The following KLHL1 variants were observed in gnomAD, a reference collection of about 807,000 sequenced individuals.
KLHL1 encodes the protein kelch like family member 1, also known as kelch-like protein 1.
In KLHL1, 47 loss-of-function variants were observed where a neutral mutation model predicts 77.7. That is an observed-to-expected ratio of 0.60 (90% CI 0.48 to 0.77). The LOEUF (loss-of-function observed/expected upper bound fraction) is 0.77. Among genes scored for constraint, KLHL1 ranks in the 30% least tolerant of loss-of-function variants. The pLI is 0.00. For missense variants in KLHL1, 925 were observed against 910.8 expected, an observed-to-expected ratio of 1.02 and a Z score of -0.20; for synonymous variants, 360 against 325.2, an observed-to-expected ratio of 1.11 and a Z score of -1.15.
chr13:70,031,752 G>C (rs772504290), intron 1 of KLHL1, among the ~76,000 whole-genome samples: 2 of 152,182 alleles, frequency 1.3e-5, no homozygotes, highest in Non-Finnish European at 2.9e-5. Flanking sequence ...ATTTCCTCCA[G>C]TTGTTCTAGA....
chr13:70,030,240 G>T (rs1031285115), intron 1 of KLHL1, among the ~76,000 whole-genome samples: 1 of 151,990 alleles, frequency 6.6e-6, no homozygotes, highest in Non-Finnish European at 1.5e-5. Context: ...TGCACCAAGC[G>T]GACCTAATAG....
chr13:70,098,515 T>TA (rs954748054), intron 1 of KLHL1, among the ~76,000 whole-genome samples: 1 of 151,788 alleles, frequency 6.6e-6, no homozygotes, highest in Non-Finnish European at 1.5e-5. Context: ...TCTTTCAATT[T>TA]AAAAAAATAA....
At chr13:69,803,886 T>C (rs1164771288) in intron 6 of KLHL1, among the ~76,000 whole-genome samples, 1 of 152,176 alleles carries the variant, frequency 6.6e-6, no homozygotes, top group African/African-American at 2.4e-5. Context: ...CAAAATAAAT[T>C]TGGAAAAGTT....
At chr13:70,099,237 A>G (rs1887866818) in intron 1 of KLHL1, among the ~76,000 whole-genome samples, 1 of 151,932 alleles carries the variant, frequency 6.6e-6, no homozygotes, top group East Asian at 1.9e-4. Flanking sequence ...CTATATAAGT[A>G]AAAATTCACT....
At chr13:70,003,254 T>C (rs534282052) in intron 1 of KLHL1, among the ~76,000 whole-genome samples, 7 of 151,820 alleles carry the variant, frequency 4.6e-5, no homozygotes, top group Admixed American at 2.0e-4. Context: ...TGAAACATGA[T>C]GAAAACTTTG....
intron 6 of KLHL1, among the ~76,000 whole-genome samples, chr13:69,813,778 C>A (rs1650305375): frequency 6.6e-6 from 1 of 152,134 alleles, no homozygotes; most frequent in Non-Finnish European, 1.5e-5. Context: ...ACATTCCATG[C>A]TCATGGACTG....
chr13:69,841,329 C>CA (rs1029749179), intron 5 of KLHL1, among the ~76,000 whole-genome samples: 11 of 150,078 alleles, frequency 7.3e-5, no homozygotes, highest in African/African-American at 2.2e-4. Context: ...AAAGACTCAA[C>CA]AAAAAAAACA....
intron 1 of KLHL1, among the ~76,000 whole-genome samples, chr13:70,040,183 C>A (rs1886341275): frequency 6.6e-6 from 1 of 152,056 alleles, no homozygotes; most frequent in Non-Finnish European, 1.5e-5. Context: ...TAAGTAAACT[C>A]AAGGGTCAAT....
intron 1 of KLHL1, among the ~76,000 whole-genome samples, chr13:70,068,313 C>T (rs1887061065): frequency 6.6e-6 from 1 of 151,894 alleles, no homozygotes; most frequent in Non-Finnish European, 1.5e-5. Context: ...TGCACTCCAG[C>T]CTGGGCGACA....
Position 69,776,743 on chromosome 13 carries a change from G to A in KLHL1, c.1639+19995C>T, listed in dbSNP as rs116222118. 6.0e-3 allele frequency among the ~76,000 whole-genome samples: 920 copies of A among 152,140 alleles called. 8 individuals are homozygous for A. Among genetic ancestry groups the A allele is most frequent in the African/African-American group, 0.02 (835 of 41,524 alleles). On this transcript the variant is annotated intron_variant, in intron 7 of 10. Transcript: ENST00000377844. ...CCCAGAAAAACTTACAAAAACAAAA[G>A]CATGCAATAAATTAGCATTCAAAAT... is the stretch of plus-strand genomic sequence containing the variant.
At chr13:69,821,644 T>C (rs1042666378) in intron 6 of KLHL1, among the ~76,000 whole-genome samples, 1 of 152,096 alleles carries the variant, frequency 6.6e-6, no homozygotes, top group African/African-American at 2.4e-5. Context: ...GAGCTCTTCA[T>C]TTTTAGAAAG....
intron 7 of KLHL1, among the ~76,000 whole-genome samples, chr13:69,776,662 C>A (rs556701931): frequency 3.3e-5 from 5 of 152,018 alleles, no homozygotes; most frequent in African/African-American, 1.2e-4. Flanking sequence ...TATTTACATG[C>A]CCATGCAGGT....
chr13:70,004,761 G>A (rs1997616), intron 1 of KLHL1, among the ~76,000 whole-genome samples: 15,616 of 151,660 alleles, frequency 0.1, 872 homozygotes, highest in African/African-American at 0.12. Context: ...TTTATTATAT[G>A]AAATTGAATG....
At chr13:69,879,783 G>A (rs1479288395) in intron 5 of KLHL1, among the ~76,000 whole-genome samples, 1 of 152,090 alleles carries the variant, frequency 6.6e-6, no homozygotes, top group African/African-American at 2.4e-5. Flanking sequence ...CCACATTTCT[G>A]TCAGATCCAA....
In KLHL1 at chr13:70,107,379, AG is replaced by A. The variant is rs1273707217; in HGVS notation, c.320del (p.Ala107ValfsTer19). The A allele has an allele frequency of 6.2e-7, 1 of 1,614,072 alleles. No homozygotes were observed. Among genetic ancestry groups the A allele is most frequent in the Non-Finnish European group, 8.5e-7 (1 of 1,180,034 alleles). On this transcript the variant is annotated frameshift_variant, in exon 1 of 11. Transcript: ENST00000377844. LOFTEE classifies it high-confidence loss of function. ...CTGGCTGCTGAGTGCCCTGCCCAGGAGCCCCTTGCTGCAGCCTCGTGGCAAC... is the reference window on the plus strand; with the variant it reads ...CTGGCTGCTGAGTGCCCTGCCCAGGACCCCTTGCTGCAGCCTCGTGGCAAC... The part of the protein sequence containing the change: ...LPVATRLQQG[A>X]PGQGTQQPAR...
intron 4 of KLHL1, among the ~76,000 whole-genome samples, chr13:69,901,795 C>CTTTTTTTTTTTTTTTTTTTTTTT (rs1205221353): frequency 2.5e-5 from 1 of 40,796 alleles, no homozygotes; most frequent in African/African-American, 9.6e-5. Flanking sequence ...TTCTTTTTTT[C>CTTTTTTTTTTTTTTTTTTTTTTT]TTTTTTTTTT....
chr13:69,873,122 C>T (rs570500731), intron 5 of KLHL1, among the ~76,000 whole-genome samples: 1 of 152,072 alleles, frequency 6.6e-6, no homozygotes, highest in Admixed American at 6.6e-5. Flanking sequence ...TCCTCCTTGC[C>T]GGAATGTGGA....
chr13:69,980,680 T>G (rs1368684073), intron 1 of KLHL1, among the ~76,000 whole-genome samples: 1 of 152,068 alleles, frequency 6.6e-6, no homozygotes, highest in Non-Finnish European at 1.5e-5. Flanking sequence ...TTGTTTTTTA[T>G]TTTTACTTTA....
At chr13:69,803,800 A>G (rs9572294) in intron 6 of KLHL1, among the ~76,000 whole-genome samples, 57,941 of 152,004 alleles carry the variant, frequency 0.38, 11,384 homozygotes, top group African/African-American at 0.47. Flanking sequence ...GAAGCTGAGA[A>G]TGATTCTGAC....
Sources: allele counts gnomAD v4.1 joint callset (sites outside exome capture counted in the v4.1 genomes callset), GRCh38; gene constraint gnomAD v4.1.1; transcripts MANE v1.5; gene names NCBI Gene and HGNC (gene_info 2026-07-23, HGNC 2026-07-21).